PTPRB: variants seen among roughly 807,000 people sequenced by gnomAD.
PTPRB encodes protein tyrosine phosphatase receptor type B.
In PTPRB, 97 loss-of-function variants were observed where a neutral mutation model predicts 238.1. The ratio of observed to expected loss-of-function variants is 0.41; its 90% confidence interval spans 0.35 to 0.48. PTPRB has a LOEUF of 0.48. Ranked by LOEUF, PTPRB falls within the 20% of genes least tolerant of loss-of-function variation. The pLI is 0.30. For synonymous variants in PTPRB, 970 were observed against 995.4 expected (o/e 0.97, Z 0.48); for missense variants, 2,292 against 2,681.9 (o/e 0.85, Z 3.21).
chr12:70,594,684 G>A lies in PTPRB; in HGVS notation c.1299C>T (p.Ala433=). 1 of 1,613,984 alleles carries A rather than the reference G, an allele frequency of 6.2e-7. No homozygotes were observed. The change falls in exon 6 of 34, where the codon GCC becomes GCT. Residue 433 remains alanine, a synonymous_variant. Transcript: ENST00000334414. ...GGGACCAGGAAATCAGGAGAGAATT[G>A]GCTTTTGTGGAAATACCAATATCTT... ...PVKDIGISTK[A]NSLLISWSHG... is the part of the protein sequence containing the mutation.
At chr12:70,621,206 T>C (rs1271490543) in intron 3 of PTPRB, among the ~76,000 whole-genome samples, 1 of 152,104 alleles carries the variant, frequency 6.6e-6, no homozygotes, top group Non-Finnish European at 1.5e-5. Context: ...TCTGAAACCA[T>C]AATTATCAGG....
At chr12:70,538,119 C>T in intron 28 of PTPRB, 36 bp downstream of exon 28, 1 of 1,565,660 alleles carries the variant, frequency 6.4e-7, no homozygotes, top group Non-Finnish European at 8.7e-7. Flanking sequence ...CCACCAAAGC[C>T]TCATCCTGAA....
intron 7 of PTPRB, 29 bp from the exon 8 acceptor site, chr12:70,590,262 G>A (rs1465933): frequency 0.17 from 264,423 of 1,513,774 alleles, 23,499 homozygotes; most frequent in East Asian, 0.23. Flanking sequence ...TCAAAAAGGA[G>A]ATATTACAGA....
rs555013168 is a variant in PTPRB at position 70,538,937 on chromosome 12, G to A, written c.5856C>T (p.Asn1952=). 5 of 1,612,686 alleles carry A rather than the reference G, an allele frequency of 3.1e-6. No homozygotes were observed. The South Asian group carries it at 4.4e-5, about 14-fold the overall frequency. The change falls in exon 27 of 34, where the codon AAC becomes AAT. Residue 1952 remains asparagine, a synonymous_variant. Transcript: ENST00000334414. ...LPENRGKNRY[N]NILPYDATRV... ...CACAAAACTTACAGGGCAATATATTGTTGTATCGATTTTTCCCTCTATTCT... is the reference window on the plus strand; with the variant it reads ...CACAAAACTTACAGGGCAATATATTATTGTATCGATTTTTCCCTCTATTCT...
chr12:70,539,418 T>TTG, intron 26 of PTPRB: 1 of 582,662 alleles, frequency 1.7e-6, no homozygotes, highest in Non-Finnish European at 3.0e-6. Flanking sequence ...TGGTTTGCTG[T>TTG]GTTATTCTGG....
chr12:70,593,599 T>A (rs1417903839), intron 6 of PTPRB, among the ~76,000 whole-genome samples: 2 of 151,760 alleles, frequency 1.3e-5, no homozygotes, highest in Non-Finnish European at 2.9e-5. Context: ...TTGCTCTTGA[T>A]GTACATAAAT....
intron 28 of PTPRB, 46 bp downstream of exon 28, chr12:70,538,109 C>A (rs1383037559): frequency 2.7e-6 from 4 of 1,497,298 alleles, no homozygotes; most frequent in Non-Finnish European, 2.7e-6. Context: ...GTGTAGCCAC[C>A]CACCAAAGCC....
chr12:70,630,263 C>T (rs368308299), intron 2 of PTPRB, among the ~76,000 whole-genome samples: 3 of 152,170 alleles, frequency 2.0e-5, no homozygotes, highest in South Asian at 2.1e-4. Context: ...GCTGGTTCAA[C>T]ATATGCAAAT....
chr12:70,535,185 G>T (rs17814301), intron 29 of PTPRB, among the ~76,000 whole-genome samples: 2 of 149,362 alleles, frequency 1.3e-5, no homozygotes, highest in East Asian at 2.0e-4. Context: ...CCAACCTTTG[G>T]GTTCACTCAT....
At chr12:70,597,107 A>G (rs1883100003) in intron 4 of PTPRB, among the ~76,000 whole-genome samples, 2 of 151,980 alleles carry the variant, frequency 1.3e-5, no homozygotes, top group African/African-American at 4.8e-5. Context: ...TTTTTAGTAG[A>G]GACAGGGTTT....
chr12:70,537,128 C>T (rs908239207), intron 28 of PTPRB, among the ~76,000 whole-genome samples: 1 of 151,756 alleles, frequency 6.6e-6, no homozygotes, highest in African/African-American at 2.4e-5. Flanking sequence ...ACTAAAAATA[C>T]AAAAAAATAT....
intron 9 of PTPRB, among the ~76,000 whole-genome samples, chr12:70,582,391 A>C (rs2136427158): frequency 6.6e-6 from 1 of 152,342 alleles, no homozygotes; most frequent in Middle Eastern, 3.4e-3. Flanking sequence ...AAAGATGAAT[A>C]AAGTTAGAGG....
At chr12:70,626,296 C>CATCTATCTATCTATCTATCT (rs35084668) in intron 2 of PTPRB, among the ~76,000 whole-genome samples, 3 of 91,912 alleles carry the variant, frequency 3.3e-5, no homozygotes, top group South Asian at 3.7e-4. Flanking sequence ...TCTATCCATC[C>CATCTATCTATCTATCTATCT]ATCTATCTAT....
chr12:70,550,534 G>A (rs922096110), intron 21 of PTPRB, among the ~76,000 whole-genome samples: 1 of 152,136 alleles, frequency 6.6e-6, no homozygotes, highest in African/African-American at 2.4e-5. Flanking sequence ...CTACTACTTA[G>A]GACAACCTTA....
intron 22 of PTPRB, among the ~76,000 whole-genome samples, chr12:70,543,347 C>T (rs1283534994): frequency 6.6e-6 from 1 of 152,168 alleles, no homozygotes; most frequent in African/African-American, 2.4e-5. Flanking sequence ...AATCATCTTT[C>T]CTTGAATGTA....
In PTPRB at chr12:70,551,578, A is replaced by G. The variant is rs116271819; in HGVS notation, c.5387+1199T>C. 3.3e-3 allele frequency among the ~76,000 whole-genome samples: 498 copies of G among 152,182 alleles called. 4 individuals are homozygous for G. Among genetic ancestry groups the G allele is most frequent in the African/African-American group, 0.011 (458 of 41,518 alleles). Reference sequence around the variant, plus strand: ...TTTTTTCTACTGAGACCTAGGAGTGATACTTCAAATATGTGAGAACCAATA... The same window carrying G: ...TTTTTTCTACTGAGACCTAGGAGTGGTACTTCAAATATGTGAGAACCAATA... On this transcript the variant is annotated intron_variant, in intron 21 of 33. Transcript: ENST00000334414.
Position 70,550,452 on chromosome 12 carries a change from G to C in PTPRB, c.5387+2325C>G, listed in dbSNP as rs560759110. On this transcript the variant is annotated intron_variant, in intron 21 of 33. Transcript: ENST00000334414. The stretch of plus-strand genomic sequence containing the variant: ...CTGGAATCTGCTCTTGCTCTGGTAA[G>C]TGAATGGGAACTATGGGGAAACCTT... 2.0e-5 allele frequency among the ~76,000 whole-genome samples: 3 copies of C among 152,296 alleles called. No individual in the cohort carries two copies. The East Asian group carries it at 5.8e-4, about 29-fold the overall frequency.
Position 70,559,630 on chromosome 12 carries a change from T to A in PTPRB, c.4433-6A>T. 6.3e-7 allele frequency: 1 copy of A among 1,598,596 alleles called. No individual in the cohort carries two copies. On this transcript the variant is annotated splice_polypyrimidine_tract_variant and splice_region_variant and intron_variant, in intron 17 of 33. Coordinates refer to ENST00000334414, the MANE Select transcript of PTPRB (RefSeq NM_001109754.4). ...AAGACTGGGAGGACTTGGAGCTGAA[T>A]GTAGGAGAAAGTGAAAAATCACATA...
chr12:70,568,940 G>A (rs908425351), intron 14 of PTPRB, among the ~76,000 whole-genome samples: 4 of 152,042 alleles, frequency 2.6e-5, no homozygotes, highest in Admixed American at 6.6e-5. Flanking sequence ...TACATGAATA[G>A]TGATATTGAT....
Sources: allele counts gnomAD v4.1 joint callset (sites outside exome capture counted in the v4.1 genomes callset), GRCh38; gene constraint gnomAD v4.1.1; transcripts MANE v1.5; gene names NCBI Gene and HGNC (gene_info 2026-07-23, HGNC 2026-07-21).